The following ATP8A2 variants were observed in gnomAD, a reference collection of about 807,000 sequenced individuals.
ATP8A2 encodes the protein ATPase phospholipid transporting 8A2, also known as phospholipid-transporting ATPase IB.
A neutral mutation model predicts 165.6 loss-of-function variants in ATP8A2; 100 were observed. That is an observed-to-expected ratio of 0.60 (90% CI 0.51 to 0.71). The LOEUF is 0.71. ATP8A2 is among the 30% of genes least tolerant of loss of function. ATP8A2 has a pLI of 0.00. For missense variants in ATP8A2, 1,227 were observed against 1,479.5 expected, an observed-to-expected ratio of 0.83 and a Z score of 2.80; for synonymous variants, 543 against 548.8, an observed-to-expected ratio of 0.99 and a Z score of 0.15.
At chr13:25,656,818 C>T (rs964760796) in intron 24 of ATP8A2, among the ~76,000 whole-genome samples, 7 of 150,556 alleles carry the variant, frequency 4.6e-5, no homozygotes, top group African/African-American at 1.5e-4. Context: ...TTTGGGAGTC[C>T]GAGGTGGGTG....
intron 2 of ATP8A2, among the ~76,000 whole-genome samples, chr13:25,495,624 CTTTTTTTTT>C (rs11369713): frequency 1.1e-5 from 1 of 88,226 alleles, no homozygotes; most frequent in Non-Finnish European, 2.2e-5. Context: ...GCATGCCTTG[CTTTTTTTTT>C]TTTTTTTTTT....
Position 25,988,412 on chromosome 13 carries a change from G to A in ATP8A2, c.3377+19733G>A, listed in dbSNP as rs76446847. ...CTACAATACCATAATGATGACATGT[G>A]GGAAAGTCTAGGTCCCATGCCACAT... On this transcript the variant is annotated intron_variant, in intron 35 of 36. Transcript: ENST00000381655. 6.9e-3 allele frequency among the ~76,000 whole-genome samples: 1,056 copies of A among 152,338 alleles called. 11 individuals carry two copies. The highest frequency in any genetic ancestry group is 0.024 in the African/African-American group (1,000 of 41,580).
intron 33 of ATP8A2, among the ~76,000 whole-genome samples, chr13:25,893,729 G>T (rs371429593): frequency 3.3e-5 from 5 of 149,994 alleles, no homozygotes; most frequent in Non-Finnish European, 5.9e-5. Context: ...CCTGACTTTT[G>T]AATGATCACC....
At chr13:25,853,394 A>ATAT (rs1555278528) in intron 30 of ATP8A2, among the ~76,000 whole-genome samples, 49 of 11,636 alleles carry the variant, frequency 4.2e-3, no homozygotes, top group East Asian at 5.5e-3. Context: ...CTATCTAAAA[A>ATAT]AAATATATAT....
intron 35 of ATP8A2, among the ~76,000 whole-genome samples, chr13:25,978,136 T>TG (rs1956099974): frequency 6.6e-6 from 1 of 152,216 alleles, no homozygotes; most frequent in South Asian, 2.1e-4. Context: ...TTTTAATCTT[T>TG]TTGGGGAGGA....
chr13:25,568,950 A>G (rs1473863282), intron 16 of ATP8A2, among the ~76,000 whole-genome samples: 1 of 152,206 alleles, frequency 6.6e-6, no homozygotes, highest in East Asian at 1.9e-4. Context: ...TTTAAAAAAA[A>G]TCTTCATGGA....
chr13:25,732,389 G>C (rs1175033533), intron 25 of ATP8A2, among the ~76,000 whole-genome samples: 1 of 152,162 alleles, frequency 6.6e-6, no homozygotes, highest in East Asian at 1.9e-4. Context: ...TCTGTTTCCT[G>C]CTGGTGATAT....
chr13:25,930,488 T>TG (rs1183413843), intron 33 of ATP8A2, among the ~76,000 whole-genome samples: 1 of 152,140 alleles, frequency 6.6e-6, no homozygotes, highest in Admixed American at 6.5e-5. Flanking sequence ...CTGCACCTTC[T>TG]GGGGGACTCA....
chr13:25,754,850 C>T (rs75854074), intron 25 of ATP8A2, among the ~76,000 whole-genome samples: 205 of 152,212 alleles, frequency 1.3e-3, no homozygotes, highest in African/African-American at 4.6e-3. Flanking sequence ...GTGGTTTTCA[C>T]TTGTTAGTTG....
intron 24 of ATP8A2, among the ~76,000 whole-genome samples, chr13:25,592,518 C>T (rs760906390): frequency 1.2e-4 from 19 of 152,162 alleles, no homozygotes; most frequent in African/African-American, 3.6e-4. Flanking sequence ...AACACCGCAT[C>T]GGTGGACAGG....
chr13:25,374,575 G>A (rs1321957203), intron 1 of ATP8A2, among the ~76,000 whole-genome samples: 2 of 152,166 alleles, frequency 1.3e-5, no homozygotes, highest in African/African-American at 4.8e-5. Flanking sequence ...TGATCTGAGA[G>A]TAACCGTGAG....
intron 30 of ATP8A2, 144 bp downstream of exon 30, chr13:25,839,768 G>A (rs1951712317): frequency 1.5e-6 from 1 of 683,916 alleles, no homozygotes; most frequent in Admixed American, 2.5e-5. Context: ...AAAGCATAAT[G>A]AGAGCTAGTC....
chr13:25,615,299 G>T (rs1306323972), intron 24 of ATP8A2, among the ~76,000 whole-genome samples: 1 of 152,102 alleles, frequency 6.6e-6, no homozygotes, highest in Non-Finnish European at 1.5e-5. Context: ...ATGTCATGCA[G>T]GTCACCAGGG....
At chr13:25,557,132 T>C (rs746001665) in intron 13 of ATP8A2, among the ~76,000 whole-genome samples, 1 of 152,248 alleles carries the variant, frequency 6.6e-6, no homozygotes, top group Non-Finnish European at 1.5e-5. Flanking sequence ...GTTTCTTTGA[T>C]ATAATTTTCC....
chr13:25,474,697 G>A (rs1353734790), intron 2 of ATP8A2, among the ~76,000 whole-genome samples: 2 of 151,002 alleles, frequency 1.3e-5, no homozygotes, highest in South Asian at 2.1e-4. Flanking sequence ...TTGTTTTTTG[G>A]TTGTTTTGTT....
intron 24 of ATP8A2, among the ~76,000 whole-genome samples, chr13:25,673,035 G>A (rs1018247807): frequency 3.3e-5 from 5 of 152,104 alleles, no homozygotes; most frequent in African/African-American, 1.2e-4. Context: ...GTATTCTCTG[G>A]CAATAATCTC....
chr13:25,932,364 C>T (rs910656523), intron 33 of ATP8A2, among the ~76,000 whole-genome samples: 2 of 152,124 alleles, frequency 1.3e-5, no homozygotes, highest in Non-Finnish European at 2.9e-5. Flanking sequence ...CGCAGCTTCC[C>T]GCAAGAAAGA....
intron 27 of ATP8A2, among the ~76,000 whole-genome samples, chr13:25,824,384 G>A (rs148408975): frequency 7.8e-4 from 119 of 152,044 alleles, no homozygotes; most frequent in Middle Eastern, 6.8e-3. Flanking sequence ...TGTAACTTTC[G>A]TTGCAAAGAA....
chr13:25,970,381 G>T (rs1010452318), intron 35 of ATP8A2, among the ~76,000 whole-genome samples: 1 of 152,224 alleles, frequency 6.6e-6, no homozygotes, highest in African/African-American at 2.4e-5. Flanking sequence ...TGAACAACAG[G>T]CTTTTGAGGA....
Sources: allele counts gnomAD v4.1 joint callset (sites outside exome capture counted in the v4.1 genomes callset), GRCh38; gene constraint gnomAD v4.1.1; transcripts MANE v1.5; gene names NCBI Gene and HGNC (gene_info 2026-07-23, HGNC 2026-07-21).